Variants in HDGFL2 observed in about 807,000 individuals in gnomAD.
The protein encoded by HDGFL2 is hepatoma-derived growth factor-related protein 2.
Under a neutral mutation model 77.1 loss-of-function variants are expected in HDGFL2, and 36 were observed. The observed-to-expected ratio is 0.47, with a 90% CI of 0.36 to 0.62. The LOEUF (loss-of-function observed/expected upper bound fraction) is 0.62. Ranked by LOEUF, HDGFL2 falls within the 20% of genes least tolerant of loss-of-function variation. HDGFL2 has a pLI of 0.00. For synonymous variants in HDGFL2, 463 were observed against 413.1 expected (o/e 1.12, Z -1.46); for missense variants, 976 against 973.4 (o/e 1.00, Z -0.04).
At chr19:4,479,574 C>G (rs1021595775) in intron 3 of HDGFL2, among the ~76,000 whole-genome samples, 15 of 122,276 alleles carry the variant, frequency 1.2e-4, no homozygotes, top group Admixed American at 1.7e-4. Context: ...CAGCGAGATT[C>G]CATCTAAAAA....
chr19:4,494,367 C>A lies in HDGFL2; in HGVS notation c.1116C>A (p.Asp372Glu). Residue 372 changes from aspartate to glutamate, a missense_variant, in exon 9 of 16, where the codon GAC becomes GAA. This residue lies in a region of HDGFL2 where 567 missense variants were observed against 534.7 expected (regional missense o/e 1.06). Transcript: ENST00000616600. ...GGGGCAGCGGCGGCAGCAGCGGGGACGAGCTCAGGGAGGACGATGAGCCCG... is the reference window on the plus strand; with the variant it reads ...GGGGCAGCGGCGGCAGCAGCGGGGAAGAGCTCAGGGAGGACGATGAGCCCG... ...AERGSGGSSGDELREDDEPVK... is the reference protein window; with the variant it reads ...AERGSGGSSGEELREDDEPVK... 4 of 1,405,072 alleles carry A rather than the reference C, an allele frequency of 2.8e-6. No individual in the cohort carries two copies. The highest frequency in any genetic ancestry group is 3.7e-6 in the Non-Finnish European group (4 of 1,084,368). The allele number at this position is 1,405,072 out of a possible 1,614,324, so 87.0% of individuals were successfully genotyped here.
chr19:4,488,380 A>G (rs1460694328), intron 3 of HDGFL2, among the ~76,000 whole-genome samples: 1 of 152,196 alleles, frequency 6.6e-6, no homozygotes, highest in Non-Finnish European at 1.5e-5. Context: ...AAACTGAGCC[A>G]TCCCCATTGC....
chr19:4,481,952 C>G (rs1394049887), intron 3 of HDGFL2, among the ~76,000 whole-genome samples: 1 of 151,734 alleles, frequency 6.6e-6, no homozygotes, highest in African/African-American at 2.4e-5. Context: ...TGCCCTGATC[C>G]TCCAAGACAG....
Position 4,475,466 on chromosome 19 carries a change from C to G in HDGFL2, c.171C>G (p.Asp57Glu). 6.2e-7 allele frequency: 1 copy of G among 1,612,532 alleles called. No homozygotes were observed. Among genetic ancestry groups the G allele is most frequent in the South Asian group, 1.1e-5 (1 of 91,028 alleles). ...THETAFLGPKDLFPYDKCKDK... is the reference protein window; with the variant it reads ...THETAFLGPKELFPYDKCKDK... The stretch of plus-strand genomic sequence containing the variant: ...CCAGAGCCTTCCTGGGACCCAAGGA[C>G]CTGTTCCCCTACGACAAATGTAAAG... Residue 57 changes from aspartate (D) to glutamate (E), a missense_variant, in exon 3 of 16, where the codon GAC (aspartate) becomes GAG (glutamate). Physicochemically the swap from Asp to Glu is conservative, Grantham distance 45. Coordinates refer to ENST00000616600, the MANE Select transcript of HDGFL2 (RefSeq NM_001001520.3).
intron 14 of HDGFL2, among the ~76,000 whole-genome samples, chr19:4,499,909 A>C (rs1327872756): frequency 6.6e-6 from 1 of 152,214 alleles, no homozygotes; most frequent in Non-Finnish European, 1.5e-5. Flanking sequence ...ACCGTGTGCC[A>C]GGCAGCCAGC....
chr19:4,493,972 C>T lies in HDGFL2; in HGVS notation c.839-10C>T. The T allele has an allele frequency of 9.3e-6, 15 of 1,605,908 alleles. No homozygotes were observed. Among genetic ancestry groups the T allele is most frequent in the Non-Finnish European group, 1.1e-5 (13 of 1,176,662 alleles). ...GAAGGGAAGGTCACCCCCTCCTCCT[C>T]TTCCTGTAGCGGAGAAGCCTCTCCC... On this transcript the variant is annotated splice_polypyrimidine_tract_variant and intron_variant, in intron 7 of 15. Transcript: ENST00000616600.
chr19:4,501,871 C>T lies in HDGFL2; in HGVS notation c.1917-40C>T, dbSNP rs376131348. On this transcript the variant is annotated intron_variant, in intron 15 of 15. Coordinates refer to ENST00000616600, the MANE Select transcript of HDGFL2 (RefSeq NM_001001520.3). ...AACCGCCCTACAGGCAGGGCAGGGG[C>T]GGGAGGGCATCCTCACACCGCCTTT... is the stretch of plus-strand genomic sequence containing the variant. 3.3e-5 allele frequency: 46 copies of T among 1,373,184 alleles called. No homozygotes were observed. The Middle Eastern group carries it at 8.0e-4, about 24-fold the overall frequency. The allele number at this position is 1,373,184 out of a possible 1,614,324, so 85.1% of individuals were successfully genotyped here.
intron 3 of HDGFL2, among the ~76,000 whole-genome samples, chr19:4,487,714 GC>G (rs1975398474): frequency 6.6e-6 from 1 of 152,168 alleles, no homozygotes; most frequent in Non-Finnish European, 1.5e-5. Flanking sequence ...TGTTCTTGAT[GC>G]CCCCGGCCCA....
intron 13 of HDGFL2, 75 bp from the exon 14 acceptor site, chr19:4,499,416 C>G: frequency 7.2e-7 from 1 of 1,390,336 alleles, no homozygotes; most frequent in Middle Eastern, 1.8e-4. Context: ...GGGCGCATTG[C>G]TGGGGCGAGG....
In HDGFL2 at chr19:4,484,666, ATTT is replaced by A. The variant is rs71168907; in HGVS notation, c.289-3989_289-3987del. Among the ~76,000 whole-genome samples the A allele has an allele frequency of 4.7e-3, 348 of 74,106 alleles. 2 individuals are homozygous for A. Among genetic ancestry groups the A allele is most frequent in the Non-Finnish European group, 6.6e-3 (271 of 40,962 alleles). 48.6% of individuals were successfully genotyped at this position (74,106 alleles called of 152,430 possible). ...AGGCACCCGCCATCACGCCTGGCTA[ATTT>A]TTTTTTTTTTTTTTTTTTTTGACAC... On this transcript the variant is annotated intron_variant, in intron 3 of 15. Transcript: ENST00000616600.
intron 3 of HDGFL2, among the ~76,000 whole-genome samples, chr19:4,480,766 G>A (rs1975192563): frequency 6.6e-6 from 1 of 152,122 alleles, no homozygotes; most frequent in Non-Finnish European, 1.5e-5. Context: ...ATGAGCGGGT[G>A]GACCTGGGAG....
intron 3 of HDGFL2, among the ~76,000 whole-genome samples, chr19:4,479,876 A>C (rs1174642743): frequency 1.3e-5 from 2 of 150,716 alleles, no homozygotes; most frequent in Non-Finnish European, 3.0e-5. Context: ...ACTGCACTCC[A>C]GCCTGGGCGA....
At chr19:4,493,413 G>C (rs1975601508) in intron 6 of HDGFL2, among the ~76,000 whole-genome samples, 1 of 152,048 alleles carries the variant, frequency 6.6e-6, no homozygotes, top group Non-Finnish European at 1.5e-5. Context: ...TTTGCATAAA[G>C]AAAAAGATGT....
chr19:4,498,146 C>T (rs911028001), intron 11 of HDGFL2, 115 bp downstream of exon 11: 38 of 1,231,008 alleles, frequency 3.1e-5, no homozygotes, highest in African/African-American at 2.0e-4. Flanking sequence ...AGCACATCCT[C>T]GGCCGGCCTG....
chr19:4,483,552 G>A (rs576075533), intron 3 of HDGFL2, among the ~76,000 whole-genome samples: 152 of 152,182 alleles, frequency 1.0e-3, no homozygotes, highest in Non-Finnish European at 1.7e-3. Flanking sequence ...GCCCTGCACC[G>A]TGTACTCCCT....
intron 3 of HDGFL2, among the ~76,000 whole-genome samples, chr19:4,484,248 TA>T (rs1442711508): frequency 6.6e-6 from 1 of 151,602 alleles, no homozygotes; most frequent in Non-Finnish European, 1.5e-5. Flanking sequence ...CAGGCCCGGC[TA>T]ATTTTTGTAT....
Position 4,497,981 on chromosome 19 carries a change from G to A in HDGFL2, c.1352G>A (p.Arg451Gln), listed in dbSNP as rs187761259. Residue 451 changes from arginine to glutamine, a missense_variant, in exon 11 of 16, where the codon CGG becomes CAG. Transcript: ENST00000616600. ...AGGCCCGTGAAGGTGGAGCGGACCC[G>A]GAAGCGGTCCGAGGGCTTCTCGATG... ...QAKPVKVERT[R>Q]KRSEGFSMDR... 57 of 1,555,774 alleles carry A rather than the reference G, an allele frequency of 3.7e-5. No homozygotes were observed. Among genetic ancestry groups the A allele is most frequent in the African/African-American group, 9.5e-5 (7 of 73,500 alleles).
At chr19:4,477,569 C>T (rs1181644041) in intron 3 of HDGFL2, among the ~76,000 whole-genome samples, 5 of 152,096 alleles carry the variant, frequency 3.3e-5, no homozygotes, top group Non-Finnish European at 7.4e-5. Flanking sequence ...TCTTTGGTTC[C>T]GTCCTGAGCT....
At chr19:4,488,339 A>G (rs1228365336) in intron 3 of HDGFL2, among the ~76,000 whole-genome samples, 3 of 152,042 alleles carry the variant, frequency 2.0e-5, no homozygotes, top group Non-Finnish European at 4.4e-5. Flanking sequence ...TCCCACTTCC[A>G]TGCTTTCCTG....
Sources: allele counts gnomAD v4.1 joint callset (sites outside exome capture counted in the v4.1 genomes callset), GRCh38; gene constraint gnomAD v4.1.1; regional missense constraint gnomAD v4.1.1; transcripts MANE v1.5; gene names NCBI Gene and HGNC (gene_info 2026-07-23, HGNC 2026-07-21).